SLC22A16: variants seen among roughly 807,000 people sequenced by gnomAD.
SLC22A16 encodes the protein WUGSC:RG331P03.1.
Under a neutral mutation model 52.9 loss-of-function variants are expected in SLC22A16, and 53 were observed. The observed-to-expected ratio is 1.00, with a 90% CI of 0.80 to 1.26. The LOEUF is 1.26. Among genes scored for constraint, SLC22A16 ranks in the 50% most tolerant of loss-of-function variants. SLC22A16 has a pLI of 0.00. For synonymous variants in SLC22A16, 291 were observed against 268.8 expected, an observed-to-expected ratio of 1.08 and a Z score of -0.81; for missense variants, 726 against 704.0, an observed-to-expected ratio of 1.03 and a Z score of -0.35.
At chr6:110,449,357 CA>C (rs1456351648) in intron 2 of SLC22A16, among the ~76,000 whole-genome samples, 1 of 151,994 alleles carries the variant, frequency 6.6e-6, no homozygotes, top group Non-Finnish European at 1.5e-5. Flanking sequence ...TGATTTCATC[CA>C]CTTCCCTGGC....
chr6:110,472,376 G>C (rs559832140), intron 1 of SLC22A16, among the ~76,000 whole-genome samples: 1 of 151,822 alleles, frequency 6.6e-6, no homozygotes, highest in Admixed American at 6.6e-5. Context: ...TGCCCCACTC[G>C]CTGCCCCTCC....
Position 110,476,243 on chromosome 6 carries a change from G to C in SLC22A16, c.53+279C>G, listed in dbSNP as rs1383931505. ...CCAGATGCCTCCAGCATCTGCTGCC[G>C]CGGAGAGCACGCACCAGGTCCCTCC... On this transcript the variant is annotated intron_variant, in intron 1 of 7. Transcript: ENST00000368919. 2.6e-5 allele frequency: 23 copies of C among 894,724 alleles called. No individual in the cohort carries two copies. The African/African-American group carries it at 3.9e-4, about 15-fold the overall frequency. 55.4% of individuals were successfully genotyped at this position (894,724 alleles called of 1,614,324 possible).
intron 2 of SLC22A16, among the ~76,000 whole-genome samples, chr6:110,447,772 G>T (rs552729188): frequency 1.3e-5 from 2 of 152,278 alleles, no homozygotes; most frequent in African/African-American, 4.8e-5. Flanking sequence ...GTGGCCTTTT[G>T]TGTCTGACTT....
intron 7 of SLC22A16, among the ~76,000 whole-genome samples, chr6:110,429,628 C>A (rs1774415206): frequency 6.6e-6 from 1 of 152,064 alleles, no homozygotes; most frequent in Non-Finnish European, 1.5e-5. Context: ...TTGGCTAGGC[C>A]CAGCTGTGGG....
chr6:110,445,123 T>C (rs1174411007), intron 3 of SLC22A16, among the ~76,000 whole-genome samples: 2 of 152,146 alleles, frequency 1.3e-5, no homozygotes, highest in Admixed American at 6.5e-5. Context: ...CTTTTGTGGA[T>C]TGCCATTGCC....
At chr6:110,454,827 T>C (rs1271850812) in intron 2 of SLC22A16, among the ~76,000 whole-genome samples, 1 of 76,354 alleles carries the variant, frequency 1.3e-5, no homozygotes, top group African/African-American at 5.4e-5. Context: ...TGTTATATTA[T>C]ATAATATATA....
In SLC22A16 at chr6:110,475,086, T is replaced by C. The variant is rs148185785; in HGVS notation, c.53+1436A>G. ...TGCTCAAGACCGTATAGTTAATGTG[T>C]GGTAGCGCCAGAGTGGGAACTTAGA... On this transcript the variant is annotated intron_variant, in intron 1 of 7. Transcript: ENST00000368919. 26 of 454,808 alleles carry C rather than the reference T, an allele frequency of 5.7e-5. No individual in the cohort carries two copies. In the East Asian group the frequency reaches 1.5e-3, roughly 26 times the overall value. The allele number at this position is 454,808 out of a possible 1,614,324, so 28.2% of individuals were successfully genotyped here. A position where few individuals can be genotyped will look rare whatever the true frequency, so the allele number is the denominator to read the frequency against.
chr6:110,432,427 T>C (rs1774543448), intron 6 of SLC22A16, among the ~76,000 whole-genome samples: 1 of 152,248 alleles, frequency 6.6e-6, no homozygotes, highest in East Asian at 1.9e-4. Context: ...GATTGTCACC[T>C]TCTTAGCATA....
intron 6 of SLC22A16, among the ~76,000 whole-genome samples, chr6:110,433,281 A>G (rs866716842): frequency 1.3e-5 from 2 of 152,096 alleles, no homozygotes; most frequent in African/African-American, 4.8e-5. Context: ...TACTCTATCT[A>G]TCCATTCTTC....
chr6:110,475,118 G>A (rs1472102471), intron 1 of SLC22A16: 3 of 409,178 alleles, frequency 7.3e-6, no homozygotes, highest in South Asian at 1.8e-5. Flanking sequence ...TAGACATCCA[G>A]CCTTAAAACT....
At chr6:110,445,396 AT>A (rs1775131175) in intron 3 of SLC22A16, among the ~76,000 whole-genome samples, 1 of 152,156 alleles carries the variant, frequency 6.6e-6, no homozygotes, top group African/African-American at 2.4e-5. Context: ...CACTGTCAAC[AT>A]TTTATTTATT....
intron 6 of SLC22A16, among the ~76,000 whole-genome samples, chr6:110,434,928 A>G (rs1774664505): frequency 6.6e-6 from 1 of 152,174 alleles, no homozygotes; most frequent in Admixed American, 6.5e-5. Context: ...CAGTGAACCA[A>G]GATCACACCA....
At chr6:110,454,945 TATAA>T (rs1193935522) in intron 2 of SLC22A16, among the ~76,000 whole-genome samples, 1 of 97,092 alleles carries the variant, frequency 1.0e-5, no homozygotes, top group Non-Finnish European at 1.9e-5. Context: ...ATATATAATA[TATAA>T]ATATATATTA....
intron 6 of SLC22A16, among the ~76,000 whole-genome samples, chr6:110,435,010 T>C (rs901514606): frequency 5.9e-5 from 9 of 152,118 alleles, no homozygotes; most frequent in African/African-American, 2.2e-4. Flanking sequence ...AGTGTCATTC[T>C]TGGATTGATC....
chr6:110,425,143 G>A (rs1183020049), intron 7 of SLC22A16, 58 bp from the exon 8 acceptor site: 20 of 1,598,362 alleles, frequency 1.3e-5, no homozygotes, highest in Non-Finnish European at 1.6e-5. Flanking sequence ...GAACCCTTCG[G>A]AGAATAGAAT....
At chr6:110,460,947 T>C (rs1178738346) in intron 1 of SLC22A16, among the ~76,000 whole-genome samples, 2 of 152,134 alleles carry the variant, frequency 1.3e-5, no homozygotes, top group African/African-American at 4.8e-5. Context: ...GGGGCGGTAG[T>C]AGTAGCTGGG....
At chr6:110,468,540 G>T (rs1385244185) in intron 1 of SLC22A16, among the ~76,000 whole-genome samples, 4 of 151,958 alleles carry the variant, frequency 2.6e-5, no homozygotes, top group Admixed American at 2.6e-4. Context: ...CAGCTACTAA[G>T]GAGGCTGAGA....
At chr6:110,465,393 A>C (rs749011609) in intron 1 of SLC22A16, among the ~76,000 whole-genome samples, 4 of 152,140 alleles carry the variant, frequency 2.6e-5, no homozygotes, top group Non-Finnish European at 5.9e-5. Flanking sequence ...ACCTAGAAAA[A>C]TCCTAAAGAT....
intron 4 of SLC22A16, among the ~76,000 whole-genome samples, chr6:110,440,548 C>T (rs1017036530): frequency 2.6e-5 from 4 of 152,170 alleles, no homozygotes; most frequent in Admixed American, 6.5e-5. Flanking sequence ...GAGGCCAAGG[C>T]GGGTGGATCA....
Sources: allele counts gnomAD v4.1 joint callset (sites outside exome capture counted in the v4.1 genomes callset), GRCh38; gene constraint gnomAD v4.1.1; transcripts MANE v1.5; gene names NCBI Gene and HGNC (gene_info 2026-07-23, HGNC 2026-07-21).